AASDH: variants seen among roughly 807,000 people sequenced by gnomAD.
The protein encoded by AASDH is beta-alanine-activating enzyme.
In AASDH, 81 loss-of-function variants were observed where a neutral mutation model predicts 102.3. That is an observed-to-expected ratio of 0.79 (90% CI 0.66 to 0.95). The LOEUF (loss-of-function observed/expected upper bound fraction) is 0.95. Ranked by LOEUF, AASDH falls within the 40% of genes least tolerant of loss-of-function variation. AASDH has a pLI of 0.00. For synonymous variants in AASDH, 398 were observed against 454.0 expected (o/e 0.88, Z 1.57); for missense variants, 1,203 against 1,266.2 (o/e 0.95, Z 0.76).
Position 56,384,155 on chromosome 4 carries a change from G to T in AASDH, c.145C>A (p.Leu49Met). ...CCTTGAAAGTCACAGTGTAACAGCAGAAAATTTGATAATTCAGAAGCAGCA... is the reference window on the plus strand; with the variant it reads ...CCTTGAAAGTCACAGTGTAACAGCATAAAATTTGATAATTCAGAAGCAGCA... ...VNAASELSNFLLLHCDFQGIR... is the reference protein window; with the variant it reads ...VNAASELSNFMLLHCDFQGIR... The change falls in exon 2 of 15, where the codon CTG becomes ATG. Residue 49 changes from leucine (L) to methionine (M), a missense_variant. Coordinates refer to ENST00000205214, the MANE Select transcript of AASDH (RefSeq NM_181806.4). 1.9e-6 allele frequency: 3 copies of T among 1,614,172 alleles called. No individual in the cohort carries two copies. The highest frequency in any genetic ancestry group is 2.5e-6 in the Non-Finnish European group (3 of 1,180,016).
chr4:56,352,302 CTAAT>C (rs1749109059), intron 9 of AASDH, among the ~76,000 whole-genome samples: 1 of 152,144 alleles, frequency 6.6e-6, no homozygotes, highest in Non-Finnish European at 1.5e-5. Flanking sequence ...GTAGATGAAA[CTAAT>C]TAAGGACTCA....
At chr4:56,384,403 G>C in intron 1 of AASDH, 62 bp from the exon 2 acceptor site, 2 of 785,720 alleles carry the variant, frequency 2.5e-6, no homozygotes, top group South Asian at 3.7e-5. Flanking sequence ...GGAGGGACAG[G>C]GAAAAACTTC....
intron 4 of AASDH, among the ~76,000 whole-genome samples, chr4:56,374,962 TA>T (rs1420284250): frequency 6.6e-6 from 1 of 152,238 alleles, no homozygotes; most frequent in African/African-American, 2.4e-5. Context: ...AAGATCTATC[TA>T]AATTAGATTT....
intron 5 of AASDH, among the ~76,000 whole-genome samples, chr4:56,369,749 G>T (rs1751463420): frequency 6.6e-6 from 1 of 151,840 alleles, no homozygotes; most frequent in Admixed American, 6.6e-5. Flanking sequence ...AGACCAGCCT[G>T]GCCATCATCA....
intron 12 of AASDH, among the ~76,000 whole-genome samples, chr4:56,344,472 C>T (rs1196178445): frequency 1.3e-5 from 2 of 151,980 alleles, no homozygotes; most frequent in South Asian, 2.1e-4. Flanking sequence ...GTTTATTTTT[C>T]TATCTGCTCT....
At position 56,342,973 on chromosome 4, in the gene AASDH, C is replaced by T; in HGVS notation, c.2776-7G>A. On this transcript the variant is annotated splice_region_variant and splice_polypyrimidine_tract_variant and intron_variant, in intron 13 of 14. Transcript: ENST00000205214. ...AAATAACGTTCCCAGTAGCCTGTCA[C>T]AGGAAAAAGCAATTCACAGCATTTT... is the stretch of plus-strand genomic sequence containing the variant. 1 of 1,563,104 alleles carries T rather than the reference C, an allele frequency of 6.4e-7. No homozygotes were observed. Among genetic ancestry groups the T allele is most frequent in the Non-Finnish European group, 8.6e-7 (1 of 1,156,248 alleles).
At chr4:56,380,352 T>C (rs1394690696) in intron 3 of AASDH, among the ~76,000 whole-genome samples, 2 of 152,142 alleles carry the variant, frequency 1.3e-5, no homozygotes, top group Non-Finnish European at 1.5e-5. Context: ...AACAACAGCT[T>C]AATGAAATAT....
intron 1 of AASDH, among the ~76,000 whole-genome samples, chr4:56,384,946 C>A (rs1381820380): frequency 6.6e-6 from 1 of 152,102 alleles, no homozygotes; most frequent in Non-Finnish European, 1.5e-5. Flanking sequence ...AGGTGGCATA[C>A]ACCTGTAATC....
chr4:56,359,674 T>G (rs895241216), intron 5 of AASDH, among the ~76,000 whole-genome samples: 1 of 152,030 alleles, frequency 6.6e-6, no homozygotes, highest in Non-Finnish European at 1.5e-5. Context: ...TTCTCCTGCC[T>G]CAGCCTCCTC....
Position 56,371,469 on chromosome 4 carries a change from A to G in AASDH, c.843T>C (p.His281=), listed in dbSNP as rs1751696169. 1.2e-6 allele frequency: 2 copies of G among 1,611,816 alleles called. No individual in the cohort carries two copies. The highest frequency in any genetic ancestry group is 1.7e-6 in the Non-Finnish European group (2 of 1,179,528). ...SKLASVLFSH[H]RVTVLQATPT... ...AATGTACCTGCAAAACAGTCACTCT[A>G]TGATGGGAAAAGAGAACGCTGGCTA... The change falls in exon 5 of 15, where the codon CAT becomes CAC. Residue 281 remains histidine, a synonymous_variant. Transcript: ENST00000205214.
At chr4:56,352,766 A>G (rs78310973) in intron 9 of AASDH, among the ~76,000 whole-genome samples, 19 of 152,280 alleles carry the variant, frequency 1.2e-4, no homozygotes, top group Admixed American at 5.9e-4. Context: ...ACAGGGATTT[A>G]TATCATCAGC....
chr4:56,369,994 C>T (rs1751499961), intron 5 of AASDH, among the ~76,000 whole-genome samples: 2 of 150,548 alleles, frequency 1.3e-5, no homozygotes, highest in East Asian at 2.0e-4. Flanking sequence ...TTAAGATGCA[C>T]ATATGCACAC....
Position 56,349,942 on chromosome 4 carries a change from A to G in AASDH, c.1809T>C (p.Val603=), listed in dbSNP as rs1336860281. Residue 603 remains valine (V), a synonymous_variant, in exon 11 of 15, where the codon GTT becomes GTC. Coordinates refer to ENST00000205214, the MANE Select transcript of AASDH (RefSeq NM_181806.4). ...IRLLSEIEKL[V]GTSVPGLLEI... is the part of the protein sequence containing the mutation. ...CCAGAAGCCCAGGTACTGATGTACC[A>G]ACAAGTTTTTCAATCTCACTGAGGA... The G allele has an allele frequency of 1.9e-6, 3 of 1,613,920 alleles. No individual in the cohort carries two copies. The highest frequency in any genetic ancestry group is 4.5e-5 in the East Asian group (2 of 44,874).
chr4:56,347,335 A>C (rs1386940932), intron 11 of AASDH, among the ~76,000 whole-genome samples: 1 of 152,194 alleles, frequency 6.6e-6, no homozygotes, highest in Non-Finnish European at 1.5e-5. Flanking sequence ...AAGGGGAAGA[A>C]GGGAAGAATC....
rs760946438 is a variant in AASDH at position 56,342,842 on chromosome 4, C to T, written c.2900G>A (p.Gly967Glu). 5.7e-6 allele frequency: 8 copies of T among 1,406,524 alleles called. No homozygotes were observed. Among genetic ancestry groups the T allele is most frequent in the East Asian group, 2.7e-5 (1 of 37,144 alleles). 87.1% of individuals were successfully genotyped at this position (1,406,524 alleles called of 1,614,324 possible). A position where few individuals can be genotyped will look rare whatever the true frequency, so the allele number is the denominator to read the frequency against. ...AATTTCTAGTTCTATTACCTGTTCT[C>T]CAAAGTGAGTAAAGCAGAGTAAATT... ...DGNLLCFTHF[G>E]EQVWQFSTSG... is the part of the protein sequence containing the mutation. The change falls in exon 14 of 15, where the codon GGA becomes GAA. Residue 967 changes from glycine (G) to glutamate (E), a missense_variant. Gly to Glu is a moderately conservative substitution (Grantham distance 98, BLOSUM62 -2). Coordinates refer to ENST00000205214, the MANE Select transcript of AASDH (RefSeq NM_181806.4).
At chr4:56,356,541 C>A in intron 5 of AASDH, 2 of 859,294 alleles carry the variant, frequency 2.3e-6, no homozygotes, top group East Asian at 2.5e-5. Context: ...ACCTGTCCTT[C>A]GAGCAGGAGT....
intron 4 of AASDH, among the ~76,000 whole-genome samples, chr4:56,376,164 T>C (rs1462191705): frequency 1.3e-5 from 2 of 151,934 alleles, no homozygotes; most frequent in Non-Finnish European, 2.9e-5. Context: ...GCTAGGATTA[T>C]AGGCACAGAC....
intron 5 of AASDH, among the ~76,000 whole-genome samples, chr4:56,357,837 C>T (rs1182586133): frequency 6.6e-6 from 1 of 151,618 alleles, no homozygotes. Context: ...GACTGGGTTT[C>T]ACTGTTCCAT....
intron 5 of AASDH, among the ~76,000 whole-genome samples, chr4:56,369,496 A>G (rs556856349): frequency 9.2e-5 from 14 of 152,348 alleles, no homozygotes; most frequent in African/African-American, 3.4e-4. Flanking sequence ...CGGTTCATAT[A>G]TATACATGAA....
Sources: allele counts gnomAD v4.1 joint callset (sites outside exome capture counted in the v4.1 genomes callset), GRCh38; gene constraint gnomAD v4.1.1; transcripts MANE v1.5; gene names NCBI Gene and HGNC (gene_info 2026-07-23, HGNC 2026-07-21).